Variants in PKNOX2 observed in about 807,000 individuals in gnomAD.
PKNOX2 encodes the protein homeobox protein PKNOX2.
PKNOX2 carries 14 observed loss-of-function variants against 53.1 expected under a neutral mutation model. The observed-to-expected ratio is 0.26, with a 90% CI of 0.17 to 0.41. PKNOX2 has a LOEUF of 0.41. Ranked by LOEUF, PKNOX2 falls within the 10% of genes least tolerant of loss-of-function variation. The probability of loss-of-function intolerance (pLI) is 1.00; values close to 1 mark genes in which losing one functional copy is unlikely to be tolerated. For missense variants in PKNOX2, 496 were observed against 602.8 expected (o/e 0.82, Z 1.85); for synonymous variants, 257 against 242.8 (o/e 1.06, Z -0.54).
chr11:125,231,913 G>C (rs1036427753), intron 1 of PKNOX2, among the ~76,000 whole-genome samples: 4 of 152,178 alleles, frequency 2.6e-5, no homozygotes, highest in African/African-American at 7.2e-5. Flanking sequence ...TTCGAATGCT[G>C]TTCAACACTT....
intron 2 of PKNOX2, among the ~76,000 whole-genome samples, chr11:125,238,726 C>T (rs1185716090): frequency 6.6e-6 from 1 of 152,202 alleles, no homozygotes; most frequent in Non-Finnish European, 1.5e-5. Context: ...GAATGATTTC[C>T]TATTCTGTCC....
At chr11:125,270,305 C>T (rs1165107265) in intron 2 of PKNOX2, among the ~76,000 whole-genome samples, 1 of 152,192 alleles carries the variant, frequency 6.6e-6, no homozygotes, top group African/African-American at 2.4e-5. Flanking sequence ...CAGGTGTGGT[C>T]TTCCCTCTGC....
intron 10 of PKNOX2, among the ~76,000 whole-genome samples, chr11:125,424,990 C>T (rs781187181): frequency 2.0e-5 from 3 of 152,162 alleles, no homozygotes; most frequent in Non-Finnish European, 4.4e-5. Flanking sequence ...TTCCTGGTGG[C>T]AACTACAGTG....
At chr11:125,207,661 G>A (rs958823347) in intron 1 of PKNOX2, among the ~76,000 whole-genome samples, 2 of 152,046 alleles carry the variant, frequency 1.3e-5, no homozygotes, top group Non-Finnish European at 1.5e-5. Flanking sequence ...GTATTCCTTC[G>A]CTTGTCGGCA....
chr11:125,367,547 A>G (rs1389674319), intron 4 of PKNOX2, among the ~76,000 whole-genome samples: 2 of 152,080 alleles, frequency 1.3e-5, no homozygotes, highest in African/African-American at 4.8e-5. Flanking sequence ...GTTTTTTTCT[A>G]CTTCTGGGCA....
chr11:125,241,723 C>T (rs537074965), intron 2 of PKNOX2, among the ~76,000 whole-genome samples: 12 of 152,120 alleles, frequency 7.9e-5, no homozygotes, highest in East Asian at 1.9e-4. Flanking sequence ...GGCGTAGTGG[C>T]GCATGCCTGT....
chr11:125,316,314 T>C (rs1288338915), intron 2 of PKNOX2, among the ~76,000 whole-genome samples: 1 of 152,192 alleles, frequency 6.6e-6, no homozygotes, highest in Non-Finnish European at 1.5e-5. Flanking sequence ...TTATGTGGCC[T>C]TCTATGCACT....
chr11:125,216,061 C>A (rs1940463535), intron 1 of PKNOX2, among the ~76,000 whole-genome samples: 1 of 152,198 alleles, frequency 6.6e-6, no homozygotes, highest in South Asian at 2.1e-4. Context: ...TCCTCAAAAG[C>A]TTTAAAGAAT....
At chr11:125,290,491 T>C (rs752859306) in intron 2 of PKNOX2, among the ~76,000 whole-genome samples, 4 of 152,120 alleles carry the variant, frequency 2.6e-5, no homozygotes, top group Non-Finnish European at 4.4e-5. Context: ...AAGGAATGAA[T>C]AAATGGGTGA....
intron 2 of PKNOX2, among the ~76,000 whole-genome samples, chr11:125,320,270 C>T (rs1183099271): frequency 6.6e-6 from 1 of 152,102 alleles, no homozygotes; most frequent in Non-Finnish European, 1.5e-5. Flanking sequence ...AATTAGCACC[C>T]CTCCTTTTCT....
chr11:125,411,517 T>G, intron 9 of PKNOX2: 1 of 260,208 alleles, frequency 3.8e-6, no homozygotes, highest in African/African-American at 3.7e-5. Flanking sequence ...TCTCCCCCCC[T>G]TCCCCATCTC....
At position 125,431,470 on chromosome 11, in the gene PKNOX2, G is replaced by GGCCTCCCGGGGGGGGGCCCCCCCCCCC; in HGVS notation, c.*78_*79insGCCTCCCGGGGGGGGGCCCCCCCCCCC. On this transcript the variant is annotated 3_prime_UTR_variant, in exon 13 of 13. Transcript: ENST00000298282. ...AGGCCTTCAGGGTGGGGGGGAAGGG[G>GGCCTCCCGGGGGGGGGCCCCCCCCCCC]ACATGGGCAGGAAGCACCGAGGGAG... is the stretch of plus-strand genomic sequence containing the variant. The GGCCTCCCGGGGGGGGGCCCCCCCCCCC allele has an allele frequency of 3.5e-6, 1 of 282,772 alleles. No individual in the cohort carries two copies. Among genetic ancestry groups the GGCCTCCCGGGGGGGGGCCCCCCCCCCC allele is most frequent in the East Asian group, 8.9e-5 (1 of 11,200 alleles). 17.5% of individuals were successfully genotyped at this position (282,772 alleles called of 1,614,324 possible).
chr11:125,226,668 C>T (rs750928309), intron 1 of PKNOX2, among the ~76,000 whole-genome samples: 4 of 151,924 alleles, frequency 2.6e-5, no homozygotes, highest in African/African-American at 4.8e-5. Context: ...TCCTGCTTAT[C>T]GTTTTATTGC....
intron 2 of PKNOX2, among the ~76,000 whole-genome samples, chr11:125,275,157 G>A (rs116067366): frequency 6.6e-6 from 1 of 152,222 alleles, no homozygotes; most frequent in Non-Finnish European, 1.5e-5. Context: ...CGAATGCTGG[G>A]AAGAAGGTAA....
chr11:125,209,510 G>C lies in PKNOX2; in HGVS notation c.-200-25535G>C, dbSNP rs1002935217. Reference sequence around the variant, plus strand: ...GAAGGAGGGTTCTGCTTTTGGGGTAGTAGGAAAGAAGAGGAAGGTTAAAGA... The same window carrying C: ...GAAGGAGGGTTCTGCTTTTGGGGTACTAGGAAAGAAGAGGAAGGTTAAAGA... On this transcript the variant is annotated intron_variant, in intron 1 of 12. Transcript: ENST00000298282. Among the ~76,000 whole-genome samples, 3 of 152,074 alleles carry C rather than the reference G, an allele frequency of 2.0e-5. No homozygotes were observed. In the East Asian group the frequency reaches 5.8e-4, roughly 29 times the overall value.
chr11:125,215,391 T>G (rs1940379873), intron 1 of PKNOX2, among the ~76,000 whole-genome samples: 1 of 152,084 alleles, frequency 6.6e-6, no homozygotes, highest in African/African-American at 2.4e-5. Context: ...TTTTCTCACC[T>G]GTAAAACGAG....
chr11:125,212,896 C>G (rs1940038470), intron 1 of PKNOX2, among the ~76,000 whole-genome samples: 1 of 152,010 alleles, frequency 6.6e-6, no homozygotes, highest in Non-Finnish European at 1.5e-5. Flanking sequence ...CCCAGGTCAA[C>G]CTGGGAAGTA....
chr11:125,421,017 G>A (rs923306636), intron 10 of PKNOX2, among the ~76,000 whole-genome samples: 3 of 152,044 alleles, frequency 2.0e-5, no homozygotes, highest in African/African-American at 7.2e-5. Flanking sequence ...CAGGAAAACT[G>A]CCTGTTTTTA....
rs187255988 is a variant in PKNOX2 at position 125,228,045 on chromosome 11, T to C, written c.-200-7000T>C. Among the ~76,000 whole-genome samples the C allele has an allele frequency of 3.3e-3, 474 of 143,552 alleles. 2 individuals carry two copies. The highest frequency in any genetic ancestry group is 6.4e-3 in the Non-Finnish European group (405 of 62,950). The allele number at this position is 143,552 out of a possible 152,430, so 94.2% of individuals were successfully genotyped here. A position where few individuals can be genotyped will look rare whatever the true frequency, so the allele number is the denominator to read the frequency against. On this transcript the variant is annotated intron_variant, in intron 1 of 12. Transcript: ENST00000298282. ...CCAGCTCAGCCGTGTATCAGTGGCA[T>C]GGCATGACCTTGGGTAGTGTACTGC...
Sources: gnomAD v4.1 joint callset for allele counts (sites outside exome capture counted in the v4.1 genomes callset) on GRCh38, gnomAD v4.1.1 for gene constraint, MANE v1.5 for transcripts, NCBI Gene and HGNC (gene_info 2026-07-23, HGNC 2026-07-21) for gene names.